The following CNTNAP2 variants were observed in gnomAD, a reference collection of about 807,000 sequenced individuals.
CNTNAP2 encodes the protein contactin-associated protein-like 2.
Under a neutral mutation model 155.2 loss-of-function variants are expected in CNTNAP2, and 98 were observed. That is an observed-to-expected ratio of 0.63 (90% confidence interval 0.54 to 0.75). The LOEUF (loss-of-function observed/expected upper bound fraction) is 0.75, where lower values mean the gene tolerates loss of function less well. CNTNAP2 is among the 30% of genes least tolerant of loss of function. The probability of loss-of-function intolerance (pLI) is 0.00; values close to 1 mark genes in which losing one functional copy is unlikely to be tolerated. For missense variants in CNTNAP2, 1,727 were observed against 1,688.1 expected, an observed-to-expected ratio of 1.02 and a Z score of -0.40; for synonymous variants, 651 against 631.2, an observed-to-expected ratio of 1.03 and a Z score of -0.47.
chr7:148,156,876 C>A (rs1405469815), intron 17 of CNTNAP2, among the ~76,000 whole-genome samples: 1 of 152,090 alleles, frequency 6.6e-6, no homozygotes, highest in Non-Finnish European at 1.5e-5. Flanking sequence ...TCATCACTTC[C>A]TATCCAATAG....
At chr7:148,175,955 A>G (rs1393699593) in intron 18 of CNTNAP2, among the ~76,000 whole-genome samples, 5 of 151,824 alleles carry the variant, frequency 3.3e-5, no homozygotes, top group Non-Finnish European at 7.4e-5. Flanking sequence ...CTGTCTCTCC[A>G]TATTCCATAC....
chr7:148,408,122 G>C (rs910518400), intron 22 of CNTNAP2, among the ~76,000 whole-genome samples: 4 of 152,036 alleles, frequency 2.6e-5, no homozygotes, highest in African/African-American at 7.2e-5. Context: ...GCAGGTGCCT[G>C]TAATCCCAGC....
intron 8 of CNTNAP2, among the ~76,000 whole-genome samples, chr7:147,190,280 C>T (rs868167104): frequency 3.9e-5 from 6 of 152,252 alleles, no homozygotes; most frequent in South Asian, 2.1e-4. Context: ...GGAATCACTA[C>T]TTATGTAATG....
chr7:148,249,059 G>T (rs1158097375), intron 20 of CNTNAP2, among the ~76,000 whole-genome samples: 1 of 152,106 alleles, frequency 6.6e-6, no homozygotes. Context: ...TTTAAAATTG[G>T]ATTGTTTGCC....
chr7:147,939,530 T>A (rs1800677151), intron 14 of CNTNAP2, among the ~76,000 whole-genome samples: 1 of 152,082 alleles, frequency 6.6e-6, no homozygotes, highest in African/African-American at 2.4e-5. Flanking sequence ...GGTTTCACCA[T>A]GTTGGCCAAG....
intron 1 of CNTNAP2, among the ~76,000 whole-genome samples, chr7:146,427,097 C>T (rs949959146): frequency 1.3e-5 from 2 of 152,110 alleles, no homozygotes; most frequent in South Asian, 2.1e-4. Context: ...GAAAAGATAA[C>T]GTTATTTTTC....
intron 13 of CNTNAP2, among the ~76,000 whole-genome samples, chr7:147,883,860 C>A (rs1008360865): frequency 1.3e-5 from 2 of 152,102 alleles, no homozygotes; most frequent in Admixed American, 6.6e-5. Context: ...TGGACAGGTG[C>A]TATTTATCAG....
At chr7:146,527,983 A>G (rs1797715587) in intron 1 of CNTNAP2, among the ~76,000 whole-genome samples, 1 of 152,110 alleles carries the variant, frequency 6.6e-6, no homozygotes, top group South Asian at 2.1e-4. Flanking sequence ...ATCTACCACT[A>G]TAGTCAATGA....
intron 15 of CNTNAP2, among the ~76,000 whole-genome samples, chr7:148,085,750 T>C (rs1803715100): frequency 6.6e-6 from 1 of 151,500 alleles, no homozygotes; most frequent in Non-Finnish European, 1.5e-5. Context: ...CAGTCTGTCT[T>C]GCTCTGTTGC....
chr7:148,136,264 C>T (rs1456689803), intron 16 of CNTNAP2, among the ~76,000 whole-genome samples: 2 of 152,110 alleles, frequency 1.3e-5, no homozygotes, highest in African/African-American at 2.4e-5. Context: ...TGAAGTGTGA[C>T]TCCCGATGTT....
intron 2 of CNTNAP2, among the ~76,000 whole-genome samples, chr7:146,833,298 A>AC (rs1803551252): frequency 6.6e-6 from 1 of 151,938 alleles, no homozygotes; most frequent in Admixed American, 6.6e-5. Context: ...GTGGCATTGG[A>AC]TTTCATTCCT....
At chr7:148,193,546 T>A (rs1278861797) in intron 18 of CNTNAP2, among the ~76,000 whole-genome samples, 2 of 152,144 alleles carry the variant, frequency 1.3e-5, no homozygotes, top group African/African-American at 4.8e-5. Context: ...ATGAAAGTCA[T>A]AATGTGGCCC....
intron 3 of CNTNAP2, among the ~76,000 whole-genome samples, chr7:146,971,515 G>C (rs1033335681): frequency 1.3e-5 from 2 of 152,182 alleles, no homozygotes; most frequent in Non-Finnish European, 2.9e-5. Flanking sequence ...GAGGTGGATA[G>C]CTTATCAACA....
intron 1 of CNTNAP2, among the ~76,000 whole-genome samples, chr7:146,495,276 G>C (rs73741713): frequency 0.017 from 2,579 of 152,238 alleles, 55 homozygotes; most frequent in African/African-American, 0.059. Flanking sequence ...TCCATGTCGA[G>C]TAAGTAAAGC....
intron 2 of CNTNAP2, among the ~76,000 whole-genome samples, chr7:146,790,246 A>T (rs1031523369): frequency 1.2e-4 from 19 of 152,240 alleles, no homozygotes; most frequent in African/African-American, 4.6e-4. Context: ...GATGATGGAA[A>T]ATAATTTTCT....
chr7:148,420,450 G>A lies in CNTNAP2; in HGVS notation c.*4834G>A, dbSNP rs1049503117. 6.6e-6 allele frequency: 1 copy of A among 152,094 alleles called. No homozygotes were observed. Among genetic ancestry groups the A allele is most frequent in the African/African-American group, 2.4e-5 (1 of 41,418 alleles). The allele number at this position is 152,094 out of a possible 1,614,324, so 9.4% of individuals were successfully genotyped here. On this transcript the variant is annotated 3_prime_UTR_variant, in exon 24 of 24. Coordinates refer to ENST00000361727, the MANE Select transcript of CNTNAP2 (RefSeq NM_014141.6). ...AATGGGGAAATCACGTTGAGAAGTT[G>A]GTCTGTCATCTCCCATTGAGCAAAG...
intron 1 of CNTNAP2, among the ~76,000 whole-genome samples, chr7:146,274,173 A>T (rs1385797445): frequency 2.0e-5 from 3 of 152,202 alleles, no homozygotes; most frequent in African/African-American, 7.2e-5. Context: ...TGTGACACAT[A>T]GCGCCTGAAG....
intron 13 of CNTNAP2, among the ~76,000 whole-genome samples, chr7:147,841,252 G>A (rs1798722991): frequency 6.6e-6 from 1 of 152,192 alleles, no homozygotes; most frequent in African/African-American, 2.4e-5. Flanking sequence ...AAAGTTGTAT[G>A]TGTGGATATT....
At chr7:147,670,988 A>C (rs907596757) in intron 13 of CNTNAP2, among the ~76,000 whole-genome samples, 1 of 152,118 alleles carries the variant, frequency 6.6e-6, no homozygotes, top group African/African-American at 2.4e-5. Flanking sequence ...ATCACGCCAG[A>C]CTCTGCCACG....
Sources: gnomAD v4.1 joint callset for allele counts (sites outside exome capture counted in the v4.1 genomes callset) on GRCh38, gnomAD v4.1.1 for gene constraint, MANE v1.5 for transcripts, NCBI Gene and HGNC (gene_info 2026-07-23, HGNC 2026-07-21) for gene names.